Variants in PCDHGB2 observed in about 807,000 individuals in gnomAD.
PCDHGB2 encodes protocadherin gamma subfamily B, 2, also known as protocadherin gamma-B2.
A neutral mutation model predicts 59.3 loss-of-function variants in PCDHGB2; 55 were observed. The observed-to-expected ratio is 0.93, with a 90% CI of 0.75 to 1.16. PCDHGB2 has a LOEUF of 1.16. Ranked by LOEUF, PCDHGB2 falls within the 50% of genes most tolerant of loss-of-function variation. The pLI, the probability that PCDHGB2 is intolerant of heterozygous loss-of-function variation, is 0.00. For synonymous variants in PCDHGB2, 516 were observed against 512.0 expected (o/e 1.01, Z -0.11); for missense variants, 1,228 against 1,198.5 (o/e 1.02, Z -0.36).
At chr5:141,450,754 C>G (rs192088793) in intron 1 of PCDHGB2, among the ~76,000 whole-genome samples, 1 of 150,996 alleles carries the variant, frequency 6.6e-6, no homozygotes, top group Non-Finnish European at 1.5e-5. Context: ...CCCAAAGTGC[C>G]GGGATTACAG....
chr5:141,403,210 C>A (rs369033480), intron 1 of PCDHGB2: 2 of 1,613,828 alleles, frequency 1.2e-6, no homozygotes, highest in African/African-American at 2.7e-5. Context: ...CCTTGGTCAC[C>A]GCGGGTAGGA....
At position 141,484,105 on chromosome 5, in the gene PCDHGB2, A is replaced by G. The variant is rs548687877; in HGVS notation, c.2422-10702A>G. On this transcript the variant is annotated intron_variant, in intron 1 of 3. Coordinates refer to ENST00000522605, the MANE Select transcript of PCDHGB2 (RefSeq NM_018923.3). Reference sequence around the variant, plus strand: ...GAAATGGTCTTCGTTGGTAATTAACAAAAGATCAAGAATACCTTGGTGTCA... The same window carrying G: ...GAAATGGTCTTCGTTGGTAATTAACGAAAGATCAAGAATACCTTGGTGTCA... Among the ~76,000 whole-genome samples, 3 of 152,316 alleles carry G rather than the reference A, an allele frequency of 2.0e-5. No individual in the cohort carries two copies. In the South Asian group the frequency reaches 6.2e-4, roughly 32 times the overall value.
intron 1 of PCDHGB2, chr5:141,441,662 C>T: frequency 3.8e-6 from 1 of 260,740 alleles, no homozygotes; most frequent in Non-Finnish European, 7.7e-6. Flanking sequence ...TGTCCTTGAG[C>T]GCACAGTGCG....
At chr5:141,364,651 C>T in intron 1 of PCDHGB2, 3 of 1,614,064 alleles carry the variant, frequency 1.9e-6, no homozygotes, top group Non-Finnish European at 2.5e-6. Flanking sequence ...TGAACTTTAA[C>T]ATCTTGGTTG....
In PCDHGB2 at chr5:141,491,283, C is replaced by G; in HGVS notation, c.2422-3524C>G. ...AAATGCCCAAATCCAGTGACTTCCT[C>G]ATACACCCTCCTGAGCGTTCAGACC... On this transcript the variant is annotated intron_variant, in intron 1 of 3. Coordinates refer to ENST00000522605, the MANE Select transcript of PCDHGB2 (RefSeq NM_018923.3). The surrounding 1 kb of genome is among the most constrained non-coding windows in gnomAD (Gnocchi z 6.9). The G allele has an allele frequency of 1.2e-6, 2 of 1,614,164 alleles. No homozygotes were observed.
Position 141,422,492 on chromosome 5 carries a change from C to T in PCDHGB2, c.2421+59936C>T, listed in dbSNP as rs747903569. 2.5e-6 allele frequency: 4 copies of T among 1,613,934 alleles called. No homozygotes were observed. The East Asian group carries it at 6.7e-5, about 27-fold the overall frequency. ...GAGTTGGTCCAGAGCTACAATATAA[C>T]GTTGACAGCCACAGACCAGGGAAGC... On this transcript the variant is annotated intron_variant, in intron 1 of 3. Coordinates refer to ENST00000522605, the MANE Select transcript of PCDHGB2 (RefSeq NM_018923.3).
Position 141,489,640 on chromosome 5 carries a change from G to A in PCDHGB2, c.2422-5167G>A. The A allele has an allele frequency of 1.2e-6, 2 of 1,614,146 alleles. No individual in the cohort carries two copies. Among genetic ancestry groups the A allele is most frequent in the Non-Finnish European group, 1.7e-6 (2 of 1,180,010 alleles). Reference sequence around the variant, plus strand: ...TCTCAATGACAACTCTCCTAGCTTTGCCACCCCTGAGCGAGAGATGCGCAT... The same window carrying A: ...TCTCAATGACAACTCTCCTAGCTTTACCACCCCTGAGCGAGAGATGCGCAT... On this transcript the variant is annotated intron_variant, in intron 1 of 3. Transcript: ENST00000522605. The surrounding 1 kb of genome is among the most constrained non-coding windows in gnomAD (Gnocchi z 4.5).
rs80129508 is a variant in PCDHGB2 at position 141,369,299 on chromosome 5, C to T, written c.2421+6743C>T. Among the ~76,000 whole-genome samples the T allele has an allele frequency of 3.7e-4, 56 of 152,230 alleles. No homozygotes were observed. In the East Asian group the frequency reaches 0.011, roughly 29 times the overall value. On this transcript the variant is annotated intron_variant, in intron 1 of 3. Coordinates refer to ENST00000522605, the MANE Select transcript of PCDHGB2 (RefSeq NM_018923.3). ...TCACTCCCCAATCCTAATAACGCAT[C>T]ATTGTTAGGCTACTTGAGAAGAAAC...
intron 1 of PCDHGB2, among the ~76,000 whole-genome samples, chr5:141,461,433 C>A (rs183800312): frequency 1.3e-5 from 2 of 151,970 alleles, no homozygotes; most frequent in Non-Finnish European, 1.5e-5. Context: ...CATTTGTATA[C>A]CTTCTTTTGA....
chr5:141,389,771 C>T lies in PCDHGB2; in HGVS notation c.2421+27215C>T, dbSNP rs1239854891. 4 of 1,613,088 alleles carry T rather than the reference C, an allele frequency of 2.5e-6. No homozygotes were observed. The Admixed American group carries it at 5.0e-5, about 20-fold the overall frequency. ...CGGGCGAAGTGCGCACAGCGCGTGC[C>T]TTAGGCGACAGGGACGCCGTCCGCC... is the stretch of plus-strand genomic sequence containing the variant. On this transcript the variant is annotated intron_variant, in intron 1 of 3. Coordinates refer to ENST00000522605, the MANE Select transcript of PCDHGB2 (RefSeq NM_018923.3).
At chr5:141,418,802 T>C in intron 1 of PCDHGB2, 1 of 1,613,862 alleles carries the variant, frequency 6.2e-7, no homozygotes, top group Non-Finnish European at 8.5e-7. Flanking sequence ...AGTAGAAAGA[T>C]ATACGATAAA....
At chr5:141,388,612 G>T in intron 1 of PCDHGB2, 1 of 1,613,954 alleles carries the variant, frequency 6.2e-7, no homozygotes, top group Non-Finnish European at 8.5e-7. Flanking sequence ...CCAGTGTTCA[G>T]TCAAGACGTA....
intron 1 of PCDHGB2, chr5:141,365,243 C>T: frequency 6.2e-7 from 1 of 1,613,982 alleles, no homozygotes; most frequent in Non-Finnish European, 8.5e-7. Context: ...CTCAACTCTA[C>T]AATCACTGGA....
At position 141,486,616 on chromosome 5, in the gene PCDHGB2, C is replaced by T. The variant is rs759167270; in HGVS notation, c.2422-8191C>T. On this transcript the variant is annotated intron_variant, in intron 1 of 3. Coordinates refer to ENST00000522605, the MANE Select transcript of PCDHGB2 (RefSeq NM_018923.3). The surrounding 1 kb of genome is among the most constrained non-coding windows in gnomAD (Gnocchi z 5.0). ...TGCTTTGCTCCCTTGCAGCCTCTGA[C>T]CCAGACTCTGGCTTGAATGCGCTTA... is the stretch of plus-strand genomic sequence containing the variant. 2 of 1,613,500 alleles carry T rather than the reference C, an allele frequency of 1.2e-6. No individual in the cohort carries two copies. The highest frequency in any genetic ancestry group is 3.3e-5 in the Admixed American group (2 of 60,004).
chr5:141,411,544 AC>A (rs2095497010), intron 1 of PCDHGB2: 1 of 152,298 alleles, frequency 6.6e-6, no homozygotes. Context: ...TGATCTTGCC[AC>A]TGCACTCCAG....
At chr5:141,409,192 G>A in intron 1 of PCDHGB2, 4 of 1,614,000 alleles carry the variant, frequency 2.5e-6, no homozygotes, top group Non-Finnish European at 3.4e-6. Context: ...TCTCTACCCA[G>A]TGTAAAGTAA....
At chr5:141,418,817 G>A (rs2154547923) in intron 1 of PCDHGB2, 1 of 1,613,882 alleles carries the variant, frequency 6.2e-7, no homozygotes, top group Non-Finnish European at 8.5e-7. Flanking sequence ...GATAAACATA[G>A]AAGCAAAAGA....
intron 1 of PCDHGB2, chr5:141,394,938 G>A: frequency 6.2e-7 from 1 of 1,613,780 alleles, no homozygotes; most frequent in Non-Finnish European, 8.5e-7. Context: ...CGCCTTTGTC[G>A]CTGTGCTTCT....
chr5:141,383,083 C>G, intron 1 of PCDHGB2: 1 of 1,613,852 alleles, frequency 6.2e-7, no homozygotes. Flanking sequence ...GCTGGCGGAG[C>G]GCGGAGTCCG....
Sources: allele counts gnomAD v4.1 joint callset (sites outside exome capture counted in the v4.1 genomes callset), GRCh38; gene constraint gnomAD v4.1.1; non-coding constraint Gnocchi (gnomAD v3.1); transcripts MANE v1.5; gene names NCBI Gene and HGNC (gene_info 2026-07-23, HGNC 2026-07-21).